The following ARHGAP31 variants were observed in gnomAD, a reference collection of about 807,000 sequenced individuals.
ARHGAP31 encodes the protein rho GTPase-activating protein 31.
A neutral mutation model predicts 113.9 loss-of-function variants in ARHGAP31; 34 were observed. The observed-to-expected ratio is 0.30, with a 90% CI of 0.23 to 0.40. ARHGAP31 has a LOEUF of 0.40. Ranked by LOEUF, ARHGAP31 falls within the 10% of genes least tolerant of loss-of-function variation. ARHGAP31 has a pLI of 1.00. For synonymous variants in ARHGAP31, 650 were observed against 684.8 expected (o/e 0.95, Z 0.79); for missense variants, 1,548 against 1,767.1 (o/e 0.88, Z 2.22).
intron 1 of ARHGAP31, among the ~76,000 whole-genome samples, chr3:119,307,939 G>GAAAAAAAAAAAAAAAAAAAAAAAAAAA (rs1559961514): frequency 6.1e-4 from 1 of 1,648 alleles, no homozygotes; most frequent in African/African-American, 1.7e-3. Context: ...TGAATTAACA[G>GAAAAAAAAAAAAAAAAAAAAAAAAAAA]CAAAAAAAAA....
chr3:119,332,629 TCTCTCTCA>T (rs1165589247), intron 1 of ARHGAP31, among the ~76,000 whole-genome samples: 76 of 120,612 alleles, frequency 6.3e-4, no homozygotes, highest in South Asian at 1.2e-3. Context: ...TCTCTCTCTC[TCTCTCTCA>T]CACACACACA....
chr3:119,332,627 TCTCTCTCTCACACA>T (rs1319778970), intron 1 of ARHGAP31, among the ~76,000 whole-genome samples: 37 of 121,416 alleles, frequency 3.0e-4, no homozygotes, highest in Non-Finnish European at 3.9e-4. Context: ...TCTCTCTCTC[TCTCTCTCTCACACA>T]CACACACACA....
chr3:119,367,440 A>G (rs2080259880), intron 2 of ARHGAP31, among the ~76,000 whole-genome samples: 1 of 152,172 alleles, frequency 6.6e-6, no homozygotes. Flanking sequence ...AATGTTTTTC[A>G]GGCCTGGAAT....
intron 11 of ARHGAP31, among the ~76,000 whole-genome samples, chr3:119,411,685 A>C (rs2080718848): frequency 6.6e-6 from 1 of 152,212 alleles, no homozygotes; most frequent in South Asian, 2.1e-4. Flanking sequence ...TCTAGTAGGC[A>C]AAATAGAAAT....
At chr3:119,381,996 A>G (rs1408712959) in intron 4 of ARHGAP31, among the ~76,000 whole-genome samples, 2 of 151,314 alleles carry the variant, frequency 1.3e-5, no homozygotes, top group South Asian at 2.1e-4. Flanking sequence ...AAAAAAAAAA[A>G]AAAAAAAAAA....
At position 119,413,971 on chromosome 3, in the gene ARHGAP31, C is replaced by T. The variant is rs752378405; in HGVS notation, c.2042C>T (p.Pro681Leu). The T allele has an allele frequency of 2.5e-6, 4 of 1,614,196 alleles. No individual in the cohort carries two copies. The South Asian group carries it at 4.4e-5, about 18-fold the overall frequency. ...CCACCTCCTGCTCTGAAGACCAGCC[C>T]AATTCAGCCTATTCTCGAGTCGAGT... ...SLPPPALKTS[P>L]IQPILESSLG... The change falls in exon 12 of 12, where the codon CCA becomes CTA. Residue 681 changes from proline to leucine, a missense_variant. Physicochemically the swap from Pro to Leu is moderately conservative, Grantham distance 98. Coordinates refer to ENST00000264245, the MANE Select transcript of ARHGAP31 (RefSeq NM_020754.4).
Position 119,415,355 on chromosome 3 carries a change from C to T in ARHGAP31, c.3426C>T (p.Val1142=), listed in dbSNP as rs746305516. Residue 1142 remains valine (V), a synonymous_variant, in exon 12 of 12, where the codon GTC becomes GTT. Transcript: ENST00000264245. The part of the protein sequence containing the change: ...MQVSEPGDPK[V]TWMTSSYCKA... ...TCTCTGAGCCAGGAGACCCAAAGGTCACATGGATGACCTCATCTTACTGTA... is the reference window on the plus strand; with the variant it reads ...TCTCTGAGCCAGGAGACCCAAAGGTTACATGGATGACCTCATCTTACTGTA... The T allele has an allele frequency of 2.5e-6, 4 of 1,614,120 alleles. No homozygotes were observed. Among genetic ancestry groups the T allele is most frequent in the South Asian group, 2.2e-5 (2 of 91,080 alleles).
chr3:119,347,016 G>A (rs558252841), intron 1 of ARHGAP31, among the ~76,000 whole-genome samples: 8 of 152,322 alleles, frequency 5.3e-5, no homozygotes, highest in East Asian at 3.9e-4. Context: ...CTTGGGGGCC[G>A]GGATGGTGTT....
At position 119,382,764 on chromosome 3, in the gene ARHGAP31, T is replaced by C. The variant is rs116095203; in HGVS notation, c.540-320T>C. Among the ~76,000 whole-genome samples the C allele has an allele frequency of 2.7e-3, 410 of 152,326 alleles. 2 individuals carry two copies. The highest frequency in any genetic ancestry group is 9.3e-3 in the African/African-American group (388 of 41,582). On this transcript the variant is annotated intron_variant, in intron 5 of 11. Transcript: ENST00000264245. ...CAGCTGCTCCATATGATTTCATAAA[T>C]AATGACCTGCTCCATAGAACAGTTA...
intron 8 of ARHGAP31, among the ~76,000 whole-genome samples, chr3:119,395,331 T>C (rs1409701220): frequency 6.6e-6 from 1 of 152,216 alleles, no homozygotes; most frequent in African/African-American, 2.4e-5. Flanking sequence ...AATCAACTTA[T>C]GCAGTGAGGG....
intron 7 of ARHGAP31, among the ~76,000 whole-genome samples, chr3:119,391,638 G>A (rs1019551608): frequency 4.5e-5 from 6 of 132,402 alleles, no homozygotes; most frequent in South Asian, 2.6e-4. Context: ...AGAAAGAAGC[G>A]GGGATTGAAC....
chr3:119,354,736 C>G, intron 1 of ARHGAP31, among the ~76,000 whole-genome samples: 1 of 142,930 alleles, frequency 7.0e-6, no homozygotes, highest in Non-Finnish European at 1.5e-5. Context: ...CCATGTTGGT[C>G]AGGCTGGTCT....
intron 8 of ARHGAP31, among the ~76,000 whole-genome samples, chr3:119,394,314 T>C (rs569508650): frequency 6.6e-6 from 1 of 152,182 alleles, no homozygotes; most frequent in Non-Finnish European, 1.5e-5. Flanking sequence ...TAAATGATGA[T>C]TTTCTATTAA....
chr3:119,294,464 A>G lies in ARHGAP31; in HGVS notation c.-441A>G. Reference sequence around the variant, plus strand: ...CGTCTGAAGGCGAGACAGCGGGCCCAGGGCGCAGGACCCACCGCAGCCCCC... The same window carrying G: ...CGTCTGAAGGCGAGACAGCGGGCCCGGGGCGCAGGACCCACCGCAGCCCCC... On this transcript the variant is annotated 5_prime_UTR_variant, in exon 1 of 12. Transcript: ENST00000264245. The G allele has an allele frequency of 2.5e-6, 1 of 408,162 alleles. No homozygotes were observed. Among genetic ancestry groups the G allele is most frequent in the Non-Finnish European group, 4.3e-6 (1 of 233,332 alleles). 25.3% of individuals were successfully genotyped at this position (408,162 alleles called of 1,614,324 possible). A position where few individuals can be genotyped will look rare whatever the true frequency, so the allele number is the denominator to read the frequency against.
chr3:119,359,629 C>T (rs1008724711), intron 1 of ARHGAP31, among the ~76,000 whole-genome samples: 3 of 151,700 alleles, frequency 2.0e-5, no homozygotes, highest in African/African-American at 7.3e-5. Flanking sequence ...GGGAGAGCCT[C>T]GCAGAGGCCA....
At chr3:119,389,746 T>C (rs2080488010) in intron 6 of ARHGAP31, among the ~76,000 whole-genome samples, 1 of 152,176 alleles carries the variant, frequency 6.6e-6, no homozygotes, top group South Asian at 2.1e-4. Flanking sequence ...CCAAAAGTAA[T>C]TTCAATTGGT....
chr3:119,384,804 A>G (rs1158443490), intron 6 of ARHGAP31, among the ~76,000 whole-genome samples: 1 of 152,176 alleles, frequency 6.6e-6, no homozygotes, highest in African/African-American at 2.4e-5. Context: ...CTCATTAAGC[A>G]ATCACTCCAC....
At chr3:119,403,142 ACAAT>A (rs369185178) in intron 10 of ARHGAP31, among the ~76,000 whole-genome samples, 27 of 152,352 alleles carry the variant, frequency 1.8e-4, no homozygotes, top group African/African-American at 4.6e-4. Context: ...AGGGTGGCTG[ACAAT>A]CAAACCAACA....
chr3:119,339,930 C>G (rs988145416), intron 1 of ARHGAP31, among the ~76,000 whole-genome samples: 4 of 152,134 alleles, frequency 2.6e-5, no homozygotes, highest in African/African-American at 9.7e-5. Context: ...TCAACTGGAC[C>G]TCATCAATGT....
Sources: allele counts gnomAD v4.1 joint callset (sites outside exome capture counted in the v4.1 genomes callset), GRCh38; gene constraint gnomAD v4.1.1; transcripts MANE v1.5; gene names NCBI Gene and HGNC (gene_info 2026-07-23, HGNC 2026-07-21).